HMCN2: variants seen among roughly 807,000 people sequenced by gnomAD.
HMCN2 encodes hemicentin 2, also known as hemicentin-2.
Under a neutral mutation model 377.5 loss-of-function variants are expected in HMCN2, and 325 were observed. That is an observed-to-expected ratio of 0.86 (90% CI 0.79 to 0.94). HMCN2 has a LOEUF of 0.94. Among genes scored for constraint, HMCN2 ranks in the 40% least tolerant of loss-of-function variants. The pLI, the probability that HMCN2 is intolerant of heterozygous loss-of-function variation, is 0.00. For synonymous variants in HMCN2, 2,007 were observed against 2,046.8 expected (o/e 0.98, Z 0.53); for missense variants, 4,543 against 4,725.3 (o/e 0.96, Z 1.13).
At chr9:130,277,517 C>T (rs1175080720) in intron 1 of HMCN2, among the ~76,000 whole-genome samples, 1 of 152,194 alleles carries the variant, frequency 6.6e-6, no homozygotes, top group Non-Finnish European at 1.5e-5. Context: ...CCTTGGGCAG[C>T]TCACTTTACT....
In HMCN2 at chr9:130,361,753, T is replaced by C. The variant is rs553769882; in HGVS notation, c.5951-255T>C. On this transcript the variant is annotated intron_variant, in intron 38 of 97. Coordinates refer to ENST00000683500, the MANE Select transcript of HMCN2 (RefSeq NM_001291815.2). This position sits in a 1 kb window ranked among gnomAD's most constrained non-coding sequence, Gnocchi z 4.8. ...AGGCCTGAGTGCGAGTGCTGCTTCC[T>C]GGGTGGTCAGCCTTGGGCAGGTGAC... 8.5e-5 allele frequency among the ~76,000 whole-genome samples: 13 copies of C among 152,336 alleles called. No homozygotes were observed. The East Asian group carries it at 2.5e-3, about 29-fold the overall frequency.
intron 1 of HMCN2, among the ~76,000 whole-genome samples, chr9:130,268,791 G>T (rs1554920124): frequency 1.3e-5 from 2 of 148,756 alleles, no homozygotes; most frequent in Non-Finnish European, 3.0e-5. Flanking sequence ...TGTGGGAGCT[G>T]GGTGTGCACG....
At position 130,355,798 on chromosome 9, in the gene HMCN2, G is replaced by A; in HGVS notation, c.5199G>A (p.Val1733=). 7.7e-7 allele frequency: 1 copy of A among 1,303,896 alleles called. No homozygotes were observed. The highest frequency in any genetic ancestry group is 1.0e-6 in the Non-Finnish European group (1 of 988,954). The allele number at this position is 1,303,896 out of a possible 1,614,324, so 80.8% of individuals were successfully genotyped here. A position where few individuals can be genotyped will look rare whatever the true frequency, so the allele number is the denominator to read the frequency against. The change falls in exon 33 of 98, where the codon GTG becomes GTA. Residue 1733 remains valine (V), a synonymous_variant. Coordinates refer to ENST00000683500, the MANE Select transcript of HMCN2 (RefSeq NM_001291815.2). ...AEGLGQVTTI[V]GQPLELPCQA... is the part of the protein sequence containing the mutation. ...GCTTGGGACAGGTGACCACCATCGT[G>A]GGACAGCCCCTGGAACTTCCCTGCC...
Position 130,304,406 on chromosome 9 carries a change from C to T in HMCN2, c.1544-324C>T, listed in dbSNP as rs1307248776. ...TGGAGACTTCCAAGGCTTTATTCCT[C>T]AGCGTGGCATCTTCAGCTCGGAGGC... On this transcript the variant is annotated intron_variant, in intron 10 of 97. Transcript: ENST00000683500. This position sits in a 1 kb window ranked among gnomAD's most constrained non-coding sequence, Gnocchi z 4.3. Among the ~76,000 whole-genome samples the T allele has an allele frequency of 6.6e-6, 1 of 152,204 alleles. No individual in the cohort carries two copies. The highest frequency in any genetic ancestry group is 2.4e-5 in the African/African-American group (1 of 41,450).
Position 130,405,076 on chromosome 9 carries a change from A to T in HMCN2, c.12339+17A>T, listed in dbSNP as rs747368665. 55 of 1,275,116 alleles carry T rather than the reference A, an allele frequency of 4.3e-5. No homozygotes were observed. Among genetic ancestry groups the T allele is most frequent in the Non-Finnish European group, 5.3e-5 (52 of 981,472 alleles). The allele number at this position is 1,275,116 out of a possible 1,614,324, so 79.0% of individuals were successfully genotyped here. ...AACTTGGAGGTGAGGCACTGCCCCA[A>T]GGGGCACAGCAGGGAATAATGGCTG... On this transcript the variant is annotated intron_variant, in intron 81 of 97. Coordinates refer to ENST00000683500, the MANE Select transcript of HMCN2 (RefSeq NM_001291815.2).
At chr9:130,378,512 A>AG (rs1554961408) in intron 53 of HMCN2, among the ~76,000 whole-genome samples, 5 of 77,622 alleles carry the variant, frequency 6.4e-5, no homozygotes, top group African/African-American at 1.7e-4. Flanking sequence ...GAGGCTGGGA[A>AG]AGAGGCTGGG....
chr9:130,330,408 T>C (rs1838367464), intron 22 of HMCN2, among the ~76,000 whole-genome samples: 1 of 152,236 alleles, frequency 6.6e-6, no homozygotes, highest in Admixed American at 6.5e-5. Flanking sequence ...CTGTAGGTGG[T>C]TGGGGTGGAT....
rs1554935132 is a variant in HMCN2 at position 130,303,000 on chromosome 9, C to T, written c.1420C>T (p.Gln474Ter). ...CAGGCTGGGCGAAGAGAGGCACTTT[C>T]AGTGAGTGGCCCACGGCAGCTGATT... ...EARLGEERHF[Q>*]ESGNSSWEIL... Residue 474 changes from glutamine to a stop codon, truncating the protein, a stop_gained and splice_region_variant, in exon 9 of 98, where the codon CAG becomes TAG. Coordinates refer to ENST00000683500, the MANE Select transcript of HMCN2 (RefSeq NM_001291815.2). LOFTEE classifies it high-confidence loss of function. 1 of 468,484 alleles carries T rather than the reference C, an allele frequency of 2.1e-6. No individual in the cohort carries two copies. Among genetic ancestry groups the T allele is most frequent in the Non-Finnish European group, 4.4e-6 (1 of 225,834 alleles). The allele number at this position is 468,484 out of a possible 1,614,324, so 29.0% of individuals were successfully genotyped here.
chr9:130,378,524 G>T (rs1841522151), intron 53 of HMCN2, among the ~76,000 whole-genome samples: 4 of 133,166 alleles, frequency 3.0e-5, no homozygotes, highest in Non-Finnish European at 6.5e-5. Flanking sequence ...GAGGCTGGGA[G>T]GGGGAGGCAG....
At chr9:130,314,399 AATAG>A (rs1837430185) in intron 15 of HMCN2, among the ~76,000 whole-genome samples, 1 of 152,244 alleles carries the variant, frequency 6.6e-6, no homozygotes, top group South Asian at 2.1e-4. Flanking sequence ...ACCAATAGTG[AATAG>A]ATAAAGACTA....
At chr9:130,429,819 G>T (rs2131833735) in intron 94 of HMCN2, 134 bp downstream of exon 94, 1 of 1,407,222 alleles carries the variant, frequency 7.1e-7, no homozygotes, top group Non-Finnish European at 9.3e-7. Flanking sequence ...GGGGCTGAGG[G>T]TGTCTAAGGC....
Position 130,385,639 on chromosome 9 carries a change from C to T in HMCN2, c.9186C>T (p.Ser3062=). The T allele has an allele frequency of 7.7e-7, 1 of 1,304,224 alleles. No individual in the cohort carries two copies. Among genetic ancestry groups the T allele is most frequent in the African/African-American group, 1.5e-5 (1 of 65,966 alleles). The allele number at this position is 1,304,224 out of a possible 1,614,324, so 80.8% of individuals were successfully genotyped here. Residue 3062 remains serine (S), a synonymous_variant, in exon 60 of 98, where the codon AGC becomes AGT. Transcript: ENST00000683500. The part of the protein sequence containing the change: ...LVRVGDKAVL[S]CETDALPEPT... ...GGGTCGGGGACAAAGCTGTCCTGAG[C>T]TGCGAGACAGATGCGCTCCCTGAGC... is the stretch of plus-strand genomic sequence containing the variant.
At chr9:130,353,702 G>A (rs1839855788) in intron 31 of HMCN2, among the ~76,000 whole-genome samples, 1 of 152,212 alleles carries the variant, frequency 6.6e-6, no homozygotes, top group Non-Finnish European at 1.5e-5. Flanking sequence ...AGGAGGTGGT[G>A]GAACCCGGTC....
At position 130,431,453 on chromosome 9, in the gene HMCN2, T is replaced by A; in HGVS notation, c.14734T>A (p.Tyr4912Asn). Residue 4912 changes from tyrosine to asparagine, a missense_variant, in exon 96 of 98, where the codon TAC becomes AAC. Coordinates refer to ENST00000683500, the MANE Select transcript of HMCN2 (RefSeq NM_001291815.2). ...GSYQCLCPAG[Y>N]RLLPSGKNCQ... Reference sequence around the variant, plus strand: ...CTACCAGTGCCTGTGCCCCGCCGGCTACCGTCTGCTCCCCAGCGGGAAGAA... The same window carrying A: ...CTACCAGTGCCTGTGCCCCGCCGGCAACCGTCTGCTCCCCAGCGGGAAGAA... The A allele has an allele frequency of 2.6e-6, 4 of 1,550,076 alleles. No homozygotes were observed. The highest frequency in any genetic ancestry group is 3.5e-6 in the Non-Finnish European group (4 of 1,146,838).
In HMCN2 at chr9:130,428,417, C is replaced by G; in HGVS notation, c.14125C>G (p.Leu4709Val). The G allele has an allele frequency of 1.9e-6, 3 of 1,547,434 alleles. No homozygotes were observed. Among genetic ancestry groups the G allele is most frequent in the Non-Finnish European group, 2.6e-6 (3 of 1,146,944 alleles). The change falls in exon 93 of 98, where the codon CTG becomes GTG. Residue 4709 changes from leucine (L) to valine (V), a missense_variant. Physicochemically the swap from Leu to Val is conservative, Grantham distance 32. Coordinates refer to ENST00000683500, the MANE Select transcript of HMCN2 (RefSeq NM_001291815.2). The surrounding 1 kb of genome is among the most constrained non-coding windows in gnomAD (Gnocchi z 5.0). ...CCGAGAGGGACAGCGCTGTGTGAAC[C>G]TGCTCGGGTCCTACCGCTGCCTCCC... ...LCREGQRCVN[L>V]LGSYRCLPDC...
chr9:130,343,702 C>T (rs1301475822), intron 25 of HMCN2, among the ~76,000 whole-genome samples: 1 of 152,268 alleles, frequency 6.6e-6, no homozygotes, highest in African/African-American at 2.4e-5. Flanking sequence ...GGGACCAGTC[C>T]TGAGCCTGTC....
chr9:130,343,951 C>T (rs1839198952), intron 25 of HMCN2, among the ~76,000 whole-genome samples: 1 of 152,190 alleles, frequency 6.6e-6, no homozygotes, highest in African/African-American at 2.4e-5. Context: ...CGTGAAGGCC[C>T]AGAGCCTGGA....
At chr9:130,275,513 G>A (rs1390310573) in intron 1 of HMCN2, among the ~76,000 whole-genome samples, 2 of 152,154 alleles carry the variant, frequency 1.3e-5, no homozygotes, top group Admixed American at 6.5e-5. Flanking sequence ...GCAGTGGCAC[G>A]ATATTGTCTC....
chr9:130,309,667 G>T (rs1424665198), intron 14 of HMCN2, among the ~76,000 whole-genome samples: 1 of 152,098 alleles, frequency 6.6e-6, no homozygotes, highest in Non-Finnish European at 1.5e-5. Flanking sequence ...GGAGTTCTTG[G>T]ATGATGAGCC....
Sources: gnomAD v4.1 joint callset for allele counts (sites outside exome capture counted in the v4.1 genomes callset) on GRCh38, gnomAD v4.1.1 for gene constraint, Gnocchi (gnomAD v3.1) non-coding constraint, MANE v1.5 for transcripts, NCBI Gene and HGNC (gene_info 2026-07-23, HGNC 2026-07-21) for gene names.